Variants in CHMP5 observed in about 807,000 individuals in gnomAD.
CHMP5 encodes the protein SNF7 domain containing 2.
A neutral mutation model predicts 33.0 loss-of-function variants in CHMP5; 17 were observed. The observed-to-expected ratio is 0.52, with a 90% CI of 0.35 to 0.77. The LOEUF (loss-of-function observed/expected upper bound fraction) is 0.77, where lower values mean the gene tolerates loss of function less well. Ranked by LOEUF, CHMP5 falls within the 30% of genes least tolerant of loss-of-function variation. The pLI, the probability that CHMP5 is intolerant of heterozygous loss-of-function variation, is 0.01. For synonymous variants in CHMP5, 76 were observed against 90.2 expected (o/e 0.84, Z 0.89); for missense variants, 216 against 261.5 (o/e 0.83, Z 1.20).
chr9:33,275,067 A>C (rs1187981633), intron 5 of CHMP5, among the ~76,000 whole-genome samples: 1 of 152,240 alleles, frequency 6.6e-6, no homozygotes, highest in Non-Finnish European at 1.5e-5. Context: ...TTGTTATGCT[A>C]TACCACTTCT....
intron 7 of CHMP5, among the ~76,000 whole-genome samples, chr9:33,278,915 C>G (rs1820887112): frequency 6.6e-6 from 1 of 151,992 alleles, no homozygotes; most frequent in Non-Finnish European, 1.5e-5. Context: ...AAGCTCTGTC[C>G]AAATCTACAT....
Position 33,280,992 on chromosome 9 carries a change from CT to C in CHMP5, c.*137del. ...TGAAGGAAAGTTTAATTACATTGCT[CT>C]TTTATTTTTTCCATTAAGAGACTCA... is the stretch of plus-strand genomic sequence containing the variant. On this transcript the variant is annotated 3_prime_UTR_variant, in exon 8 of 8. Transcript: ENST00000223500. 3 of 593,706 alleles carry C rather than the reference CT, an allele frequency of 5.1e-6. No homozygotes were observed. The highest frequency in any genetic ancestry group is 8.5e-6 in the Non-Finnish European group (3 of 354,992). 36.8% of individuals were successfully genotyped at this position (593,706 alleles called of 1,614,324 possible).
At chr9:33,279,794 C>T (rs773069126) in intron 7 of CHMP5, among the ~76,000 whole-genome samples, 7 of 140,342 alleles carry the variant, frequency 5.0e-5, no homozygotes, top group Non-Finnish European at 7.6e-5. Context: ...AGCCGGGAGG[C>T]GGAGCTTGCA....
At chr9:33,280,009 G>T (rs113252468) in intron 7 of CHMP5, among the ~76,000 whole-genome samples, 6 of 151,618 alleles carry the variant, frequency 4.0e-5, no homozygotes, top group Non-Finnish European at 8.8e-5. Flanking sequence ...ATGGAGTCCC[G>T]CTGTGTCACC....
In CHMP5 at chr9:33,281,575, A is replaced by C. The variant is rs1344628613; in HGVS notation, c.*716A>C. On this transcript the variant is annotated 3_prime_UTR_variant, in exon 8 of 8. Coordinates refer to ENST00000223500, the MANE Select transcript of CHMP5 (RefSeq NM_016410.6). ...TACTGCGGAAACCAAATTTAATAGA[A>C]TTTTAATGTCATTTCAGCCTATAAC... The C allele has an allele frequency of 1.3e-5, 2 of 152,506 alleles. No homozygotes were observed. The highest frequency in any genetic ancestry group is 2.9e-5 in the Non-Finnish European group (2 of 68,048). 9.4% of individuals were successfully genotyped at this position (152,506 alleles called of 1,614,324 possible).
intron 5 of CHMP5, among the ~76,000 whole-genome samples, chr9:33,275,567 C>A (rs978442723): frequency 6.6e-6 from 1 of 152,176 alleles, no homozygotes; most frequent in African/African-American, 2.4e-5. Flanking sequence ...GTCTCAGTAA[C>A]CTCCCTGTCT....
At chr9:33,276,390 A>G (rs1335797055) in intron 5 of CHMP5, 66 bp from the exon 6 acceptor site, 1 of 830,984 alleles carries the variant, frequency 1.2e-6, no homozygotes, top group East Asian at 2.5e-5. Flanking sequence ...AGGAGAATGT[A>G]GGGGAAAAGG....
chr9:33,278,309 T>C, intron 7 of CHMP5, 84 bp downstream of exon 7: 2 of 841,144 alleles, frequency 2.4e-6, no homozygotes, highest in Admixed American at 4.3e-5. Flanking sequence ...TAAAAGGTAG[T>C]CTTAACATTA....
At chr9:33,266,970 C>T (rs548268229) in intron 2 of CHMP5, among the ~76,000 whole-genome samples, 56 of 152,192 alleles carry the variant, frequency 3.7e-4, no homozygotes, top group Non-Finnish European at 6.9e-4. Flanking sequence ...AGATCCATAA[C>T]TTATTAACCA....
At chr9:33,275,906 G>C (rs1820848871) in intron 5 of CHMP5, among the ~76,000 whole-genome samples, 1 of 152,176 alleles carries the variant, frequency 6.6e-6, no homozygotes, top group African/African-American at 2.4e-5. Context: ...GCTATTTGGA[G>C]GCTGAGGCAG....
chr9:33,276,900 A>C (rs550013153), intron 6 of CHMP5, among the ~76,000 whole-genome samples: 7 of 152,300 alleles, frequency 4.6e-5, no homozygotes, highest in Non-Finnish European at 1.0e-4. Flanking sequence ...TCAGAACAGC[A>C]AAACCAATTA....
chr9:33,268,004 AT>A, intron 3 of CHMP5, 105 bp downstream of exon 3: 1 of 779,228 alleles, frequency 1.3e-6, no homozygotes. Flanking sequence ...TCTTGATTTA[AT>A]TACAAATTTT....
chr9:33,277,817 A>G (rs1820873532), intron 6 of CHMP5: 3 of 241,368 alleles, frequency 1.2e-5, no homozygotes, highest in African/African-American at 2.2e-5. Context: ...TCCATGGTCT[A>G]TTTTTGCCTA....
rs372496283 is a variant in CHMP5 at position 33,276,451 on chromosome 9, C to T, written c.388-5C>T. ...GAGAAAATCCTCTCATATATATTTC[C>T]GTAGGATTTACAAGACCAGCTAGAG... On this transcript the variant is annotated splice_region_variant and splice_polypyrimidine_tract_variant and intron_variant, in intron 5 of 7. Coordinates refer to ENST00000223500, the MANE Select transcript of CHMP5 (RefSeq NM_016410.6). The T allele has an allele frequency of 2.6e-5, 40 of 1,515,160 alleles. No homozygotes were observed. The highest frequency in any genetic ancestry group is 2.2e-4 in the African/African-American group (16 of 72,588). The allele number at this position is 1,515,160 out of a possible 1,614,324, so 93.9% of individuals were successfully genotyped here. A position where few individuals can be genotyped will look rare whatever the true frequency, so the allele number is the denominator to read the frequency against.
intron 1 of CHMP5, among the ~76,000 whole-genome samples, chr9:33,265,585 T>C (rs1449314529): frequency 6.6e-6 from 1 of 152,106 alleles, no homozygotes; most frequent in South Asian, 2.1e-4. Flanking sequence ...AACACAAAAC[T>C]CAGAACCCTA....
At chr9:33,272,302 G>A (rs1820803296) in intron 5 of CHMP5, among the ~76,000 whole-genome samples, 1 of 150,912 alleles carries the variant, frequency 6.6e-6, no homozygotes, top group South Asian at 2.1e-4. Context: ...TCACTACTGT[G>A]TCCCCAGTGC....
At chr9:33,270,739 T>C (rs751289038) in intron 4 of CHMP5, 23 bp downstream of exon 4, 2 of 1,529,728 alleles carry the variant, frequency 1.3e-6, no homozygotes, top group Middle Eastern at 1.7e-4. Flanking sequence ...CACCTTTTCC[T>C]GTTATTTCAT....
chr9:33,274,655 G>A (rs941963661), intron 5 of CHMP5, among the ~76,000 whole-genome samples: 1 of 151,980 alleles, frequency 6.6e-6, no homozygotes. Flanking sequence ...TCGCTCTGTC[G>A]CCCAGGCTAG....
At chr9:33,267,285 A>C (rs1820738695) in intron 2 of CHMP5, among the ~76,000 whole-genome samples, 1 of 152,234 alleles carries the variant, frequency 6.6e-6, no homozygotes, top group South Asian at 2.1e-4. Context: ...AAGCCCATTT[A>C]GATTTGAGAC....
Sources: allele counts gnomAD v4.1 joint callset (sites outside exome capture counted in the v4.1 genomes callset), GRCh38; gene constraint gnomAD v4.1.1; transcripts MANE v1.5; gene names NCBI Gene and HGNC (gene_info 2026-07-23, HGNC 2026-07-21).